KALRN: variants seen among roughly 807,000 people sequenced by gnomAD.
KALRN encodes kalirin.
A neutral mutation model predicts 353.7 loss-of-function variants in KALRN; 70 were observed. The ratio of observed to expected loss-of-function variants is 0.20; its 90% CI spans 0.16 to 0.24. The LOEUF (loss-of-function observed/expected upper bound fraction) is 0.24. KALRN is among the 10% of genes least tolerant of loss of function. KALRN has a pLI of 1.00. For missense variants in KALRN, 2,791 were observed against 3,756.7 expected (o/e 0.74, Z 6.72); for synonymous variants, 1,391 against 1,434.8 (o/e 0.97, Z 0.69).
chr3:124,148,809 A>C (rs1367175556), intron 1 of KALRN, among the ~76,000 whole-genome samples: 1 of 152,204 alleles, frequency 6.6e-6, no homozygotes, highest in African/African-American at 2.4e-5. Context: ...GGAAGGTATG[A>C]ATTTAAATGA....
intron 10 of KALRN, among the ~76,000 whole-genome samples, chr3:124,379,637 A>G (rs1489818051): frequency 1.3e-5 from 2 of 152,188 alleles, no homozygotes; most frequent in African/African-American, 2.4e-5. Context: ...CCAACATCCC[A>G]TGAACCATGA....
chr3:124,438,974 A>C lies in KALRN; in HGVS notation c.3135A>C (p.Ala1045=). 1.9e-6 allele frequency: 3 copies of C among 1,614,192 alleles called. No homozygotes were observed. Among genetic ancestry groups the C allele is most frequent in the Non-Finnish European group, 2.5e-6 (3 of 1,180,026 alleles). ...GACGAGATAAGCTGGGGCCAGCAGC[A>C]GAGATCGACCATGTCATTCCCCTCA... is the stretch of plus-strand genomic sequence containing the variant. The part of the protein sequence containing the change: ...CGGRDKLGPA[A]EIDHVIPLIS... The change falls in exon 18 of 60, where the codon GCA becomes GCC. Residue 1045 remains alanine (A), a synonymous_variant. Coordinates refer to ENST00000682506, the MANE Select transcript of KALRN (RefSeq NM_001388419.1).
intron 1 of KALRN, among the ~76,000 whole-genome samples, chr3:124,112,614 T>C (rs1450990994): frequency 2.6e-5 from 4 of 152,148 alleles, no homozygotes; most frequent in Admixed American, 2.6e-4. Flanking sequence ...ACACTAGCCT[T>C]CCACAGGTTT....
intron 6 of KALRN, among the ~76,000 whole-genome samples, chr3:124,322,963 A>G (rs1457242056): frequency 6.6e-6 from 1 of 152,230 alleles, no homozygotes; most frequent in Admixed American, 6.5e-5. Context: ...GAGAAGAACA[A>G]TGAGCAAATT....
intron 11 of KALRN, among the ~76,000 whole-genome samples, chr3:124,387,162 T>A (rs759103018): frequency 7.9e-5 from 12 of 152,232 alleles, no homozygotes; most frequent in Middle Eastern, 3.4e-3. Flanking sequence ...CAGGATTGGG[T>A]GTGTGGGAGA....
intron 1 of KALRN, among the ~76,000 whole-genome samples, chr3:124,062,008 G>A (rs758653127): frequency 6.6e-6 from 1 of 152,174 alleles, no homozygotes; most frequent in Non-Finnish European, 1.5e-5. Flanking sequence ...TCACCTGGGA[G>A]CTTGTTAGAA....
At chr3:124,192,137 G>A (rs772008250) in intron 1 of KALRN, among the ~76,000 whole-genome samples, 3 of 152,178 alleles carry the variant, frequency 2.0e-5, no homozygotes, top group African/African-American at 4.8e-5. Flanking sequence ...ACCTCAAAAT[G>A]TAACTATATT....
Position 124,033,710 on chromosome 3 carries a change from C to T in KALRN, c.-31C>T, listed in dbSNP as rs2039104441. On this transcript the variant is annotated 5_prime_UTR_variant, in exon 1 of 60. Transcript: ENST00000682506. The surrounding 1 kb of genome is among the most constrained non-coding windows in gnomAD (Gnocchi z 6.2). ...CCCTCGGCCCCAGGCTTCTTCGGCT[C>T]CCGGCTGCCCGCGGACGCCCTCCCA... is the stretch of plus-strand genomic sequence containing the variant. Among the ~76,000 whole-genome samples the T allele has an allele frequency of 1.3e-5, 2 of 152,032 alleles. No homozygotes were observed. Among genetic ancestry groups the T allele is most frequent in the Non-Finnish European group, 2.9e-5 (2 of 67,968 alleles).
chr3:124,326,169 C>A lies in KALRN; in HGVS notation c.1282C>A (p.Gln428Lys), dbSNP rs754353572. The A allele has an allele frequency of 3.7e-6, 6 of 1,609,894 alleles. No homozygotes were observed. The highest frequency in any genetic ancestry group is 5.1e-6 in the Non-Finnish European group (6 of 1,177,826). Residue 428 changes from glutamine to lysine, a missense_variant and splice_region_variant, in exon 7 of 60, where the codon CAG (glutamine) becomes AAG (lysine). Transcript: ENST00000682506. ...TGCTGTGTTCCACCAGAAGGCTGAG[C>A]AGGTAAGGTGCAGAAACCTGCAGCA... Reference protein sequence around the residue: ...MSAVFHQKAEQFLSGVDAWCK... With the variant: ...MSAVFHQKAEKFLSGVDAWCK...
At chr3:124,158,644 G>A (rs2069388710) in intron 1 of KALRN, among the ~76,000 whole-genome samples, 1 of 152,210 alleles carries the variant, frequency 6.6e-6, no homozygotes, top group Non-Finnish European at 1.5e-5. Flanking sequence ...ATGTTAATGG[G>A]AAAGAAGGGC....
At chr3:124,120,711 A>AATATATATATATATATATATATAT (rs368470724) in intron 1 of KALRN, among the ~76,000 whole-genome samples, 20 of 98,938 alleles carry the variant, frequency 2.0e-4, no homozygotes, top group African/African-American at 5.1e-4. Context: ...GAATACTAAA[A>AATATATATATATATATATATATAT]ATATATATAT....
rs1469240468 is a variant in KALRN at position 124,251,751 on chromosome 3, C to T, written c.264-12747C>T. On this transcript the variant is annotated intron_variant, in intron 3 of 59. Transcript: ENST00000682506. The stretch of plus-strand genomic sequence containing the variant: ...AGTTGGGATTTGGATGCAGAGATCC[C>T]GCTGAGTGATTTTAGGCCTCTGGAC... 2.6e-5 allele frequency among the ~76,000 whole-genome samples: 4 copies of T among 152,070 alleles called. No individual in the cohort carries two copies. The East Asian group carries it at 5.8e-4, about 22-fold the overall frequency.
Position 124,658,414 on chromosome 3 carries a change from T to C in KALRN, c.6037-17T>C. 6.3e-7 allele frequency: 1 copy of C among 1,593,570 alleles called. No homozygotes were observed. Among genetic ancestry groups the C allele is most frequent in the Non-Finnish European group, 8.6e-7 (1 of 1,161,262 alleles). On this transcript the variant is annotated splice_polypyrimidine_tract_variant and intron_variant, in intron 41 of 59. Transcript: ENST00000682506. Reference sequence around the variant, plus strand: ...CAAGATGCCTGACTGTCCACATGTCTCTCTCTGCTCTTTCAGGAGCGGAAG... The same window carrying C: ...CAAGATGCCTGACTGTCCACATGTCCCTCTCTGCTCTTTCAGGAGCGGAAG...
At chr3:124,544,113 A>G (rs976912026) in intron 33 of KALRN, among the ~76,000 whole-genome samples, 9 of 152,202 alleles carry the variant, frequency 5.9e-5, no homozygotes, top group Admixed American at 5.2e-4. Flanking sequence ...AATAAAGGAA[A>G]CTGTCATGTG....
At chr3:124,338,540 A>T (rs189000549) in intron 9 of KALRN, among the ~76,000 whole-genome samples, 1 of 152,116 alleles carries the variant, frequency 6.6e-6, no homozygotes, top group Non-Finnish European at 1.5e-5. Flanking sequence ...TTTGCTGAGG[A>T]GTGTTTTACT....
intron 34 of KALRN, among the ~76,000 whole-genome samples, chr3:124,589,364 G>A (rs1216939598): frequency 6.6e-6 from 1 of 152,216 alleles, no homozygotes; most frequent in Non-Finnish European, 1.5e-5. Flanking sequence ...GGAAGGCCAA[G>A]GCAGGAGGAC....
At chr3:124,249,456 G>A (rs1416558620) in intron 3 of KALRN, among the ~76,000 whole-genome samples, 1 of 152,190 alleles carries the variant, frequency 6.6e-6, no homozygotes, top group Non-Finnish European at 1.5e-5. Context: ...AGCTGTAGAG[G>A]TCTGCCAGGC....
At chr3:124,626,156 AAATG>A (rs2079925497) in intron 34 of KALRN, among the ~76,000 whole-genome samples, 1 of 152,240 alleles carries the variant, frequency 6.6e-6, no homozygotes, top group Non-Finnish European at 1.5e-5. Flanking sequence ...AATTTTGAAT[AAATG>A]AAGTTGCAAA....
intron 2 of KALRN, among the ~76,000 whole-genome samples, chr3:124,232,422 C>T (rs2079269500): frequency 6.6e-6 from 1 of 152,186 alleles, no homozygotes; most frequent in African/African-American, 2.4e-5. Context: ...GTCCCTCAGG[C>T]AGGCTGAACT....
Sources: allele counts gnomAD v4.1 joint callset (sites outside exome capture counted in the v4.1 genomes callset), GRCh38; gene constraint gnomAD v4.1.1; non-coding constraint Gnocchi (gnomAD v3.1); transcripts MANE v1.5; gene names NCBI Gene and HGNC (gene_info 2026-07-23, HGNC 2026-07-21).